The following CORO7 variants were observed in gnomAD, a reference collection of about 807,000 sequenced individuals.
CORO7 encodes the protein coronin-7.
In CORO7, 107 loss-of-function variants were observed where a neutral mutation model predicts 126.6. That is an observed-to-expected ratio of 0.85 (90% CI 0.72 to 0.99). CORO7 has a LOEUF of 0.99. Ranked by LOEUF, CORO7 falls within the 50% of genes least tolerant of loss-of-function variation. The pLI is 0.00. For missense variants in CORO7, 1,314 were observed against 1,255.8 expected, an observed-to-expected ratio of 1.05 and a Z score of -0.70; for synonymous variants, 603 against 536.8, an observed-to-expected ratio of 1.12 and a Z score of -1.70.
At chr16:4,383,094 G>A (rs1036668600) in intron 9 of CORO7, 2 of 616,318 alleles carry the variant, frequency 3.2e-6, no homozygotes, top group African/African-American at 1.9e-5. Flanking sequence ...CCCAGCTGAC[G>A]AGCCCTAACG....
chr16:4,385,879 A>G (rs1171854360), intron 9 of CORO7, among the ~76,000 whole-genome samples: 3 of 152,254 alleles, frequency 2.0e-5, no homozygotes, highest in Non-Finnish European at 1.5e-5. Flanking sequence ...GCCAAGATGG[A>G]AAATCTGTAA....
At chr16:4,360,203 A>C (rs1254010872) in intron 21 of CORO7, 75 bp downstream of exon 21, 1 of 1,594,964 alleles carries the variant, frequency 6.3e-7, no homozygotes, top group Non-Finnish European at 8.6e-7. Flanking sequence ...AAAGCCTGAC[A>C]AATGTATGTG....
Position 4,355,273 on chromosome 16 carries a change from A to G in CORO7, c.2772+13T>C, listed in dbSNP as rs767927130. The stretch of plus-strand genomic sequence containing the variant: ...GCGCTGCCTGCCGGGAAGTGAGGCC[A>G]CTCACTACTCACCCACTCGTCCTCG... On this transcript the variant is annotated intron_variant, in intron 27 of 27. Transcript: ENST00000251166. The G allele has an allele frequency of 6.2e-6, 10 of 1,613,176 alleles. No individual in the cohort carries two copies. Among genetic ancestry groups the G allele is most frequent in the Non-Finnish European group, 6.8e-6 (8 of 1,179,816 alleles).
chr16:4,380,435 G>A (rs1246887729), intron 9 of CORO7, among the ~76,000 whole-genome samples: 2 of 152,256 alleles, frequency 1.3e-5, no homozygotes, highest in Non-Finnish European at 2.9e-5. Context: ...GGCCAAGGCA[G>A]CCAGCTTCTC....
chr16:4,377,517 C>T (rs2054785416), intron 9 of CORO7, among the ~76,000 whole-genome samples: 1 of 152,214 alleles, frequency 6.6e-6, no homozygotes, highest in South Asian at 2.1e-4. Flanking sequence ...AAAACTACAA[C>T]TCCAGAGGGT....
intron 5 of CORO7, 71 bp downstream of exon 5, chr16:4,407,430 T>A: frequency 6.6e-7 from 1 of 1,506,192 alleles, no homozygotes; most frequent in East Asian, 2.5e-5. Flanking sequence ...TGACTAAACA[T>A]GCCAACAAAG....
chr16:4,362,887 A>T lies in CORO7; in HGVS notation c.1276-149T>A. ...GCATGCGACAGGAGCGGCGGGGGGC[A>T]CGGGCATAAACGCAGACACACAGGG... On this transcript the variant is annotated intron_variant, in intron 14 of 27. Transcript: ENST00000251166. The surrounding 1 kb of genome is among the most constrained non-coding windows in gnomAD (Gnocchi z 5.3). 1 of 910,226 alleles carries T rather than the reference A, an allele frequency of 1.1e-6. No homozygotes were observed. The highest frequency in any genetic ancestry group is 1.4e-6 in the Non-Finnish European group (1 of 690,046). 56.4% of individuals were successfully genotyped at this position (910,226 alleles called of 1,614,324 possible).
intron 6 of CORO7, among the ~76,000 whole-genome samples, chr16:4,402,472 C>T (rs1453224154): frequency 6.6e-6 from 1 of 151,544 alleles, no homozygotes; most frequent in African/African-American, 2.4e-5. Flanking sequence ...ATCTTGAACT[C>T]CTGGGCTCAA....
chr16:4,405,429 G>C (rs28711228), intron 6 of CORO7, 62 bp downstream of exon 6: 3 of 1,546,610 alleles, frequency 1.9e-6, no homozygotes, highest in Non-Finnish European at 2.6e-6. Context: ...GCCCAGCCCA[G>C]GGGGTCCCAG....
intron 6 of CORO7, among the ~76,000 whole-genome samples, chr16:4,402,197 C>T (rs1342396264): frequency 2.0e-5 from 3 of 152,036 alleles, no homozygotes; most frequent in African/African-American, 7.3e-5. Flanking sequence ...CTTGGCCTCC[C>T]AAAGTGCTGG....
intron 6 of CORO7, among the ~76,000 whole-genome samples, chr16:4,405,162 C>T (rs2055950342): frequency 6.6e-6 from 1 of 152,242 alleles, no homozygotes; most frequent in African/African-American, 2.4e-5. Flanking sequence ...CGGCCGAATG[C>T]TGCTTAACAA....
chr16:4,354,548 G>C lies in CORO7; in HGVS notation c.*610C>G, dbSNP rs1453411022. 1 of 152,838 alleles carries C rather than the reference G, an allele frequency of 6.5e-6. No individual in the cohort carries two copies. The allele number at this position is 152,838 out of a possible 1,614,324, so 9.5% of individuals were successfully genotyped here. On this transcript the variant is annotated 3_prime_UTR_variant, in exon 28 of 28. Coordinates refer to ENST00000251166, the MANE Select transcript of CORO7 (RefSeq NM_024535.5). ...ACCACAGCAGCACAAGAGGTGGCCA[G>C]CTTAAAAAAGTTTAATTGCTGAAAA...
At chr16:4,382,728 A>AG in intron 9 of CORO7, 1 of 1,553,090 alleles carries the variant, frequency 6.4e-7, no homozygotes, top group South Asian at 1.2e-5. Context: ...AGGTGGGGCC[A>AG]GGGGCTGGGC....
rs576872040 is a variant in CORO7 at position 4,355,730 on chromosome 16, C to A, written c.2686-358G>T. 2.1e-5 allele frequency: 5 copies of A among 233,040 alleles called. No homozygotes were observed. The South Asian group carries it at 2.7e-4, about 13-fold the overall frequency. The allele number at this position is 233,040 out of a possible 1,614,324, so 14.4% of individuals were successfully genotyped here. The stretch of plus-strand genomic sequence containing the variant: ...GTGATCCGCCCGCCTCGGCCTCCCA[C>A]GGTGCTGGGATTACAGGCGTGAGCC... On this transcript the variant is annotated intron_variant, in intron 26 of 27. Coordinates refer to ENST00000251166, the MANE Select transcript of CORO7 (RefSeq NM_024535.5).
At chr16:4,380,277 A>G (rs1315589292) in intron 9 of CORO7, among the ~76,000 whole-genome samples, 1 of 151,988 alleles carries the variant, frequency 6.6e-6, no homozygotes, top group African/African-American at 2.4e-5. Flanking sequence ...CCCGCCGGCC[A>G]CTTCCTGGCG....
intron 3 of CORO7, among the ~76,000 whole-genome samples, chr16:4,408,576 C>T (rs908203513): frequency 2.0e-5 from 3 of 152,254 alleles, no homozygotes; most frequent in Non-Finnish European, 2.9e-5. Flanking sequence ...CAGCCCACTG[C>T]TCCTTCAGTC....
chr16:4,396,545 G>A (rs868435624), intron 6 of CORO7, among the ~76,000 whole-genome samples: 5 of 152,212 alleles, frequency 3.3e-5, no homozygotes, highest in Admixed American at 1.3e-4. Flanking sequence ...TGCTGAGCAA[G>A]GAGAAAGGTC....
At chr16:4,413,497 T>C (rs2056291850) in intron 1 of CORO7, 93 bp from the exon 2 acceptor site, 1 of 1,192,730 alleles carries the variant, frequency 8.4e-7, no homozygotes, top group Non-Finnish European at 1.2e-6. Context: ...TCTGGGGAAC[T>C]CTAGCTCACA....
intron 3 of CORO7, among the ~76,000 whole-genome samples, 196 bp downstream of exon 3, chr16:4,412,160 C>T (rs564836736): frequency 2.0e-5 from 3 of 152,176 alleles, no homozygotes; most frequent in South Asian, 2.1e-4. Flanking sequence ...CAGCTTCCCT[C>T]CTCACTGCCC....
Sources: allele counts gnomAD v4.1 joint callset (sites outside exome capture counted in the v4.1 genomes callset), GRCh38; gene constraint gnomAD v4.1.1; non-coding constraint Gnocchi (gnomAD v3.1); transcripts MANE v1.5; gene names NCBI Gene and HGNC (gene_info 2026-07-23, HGNC 2026-07-21).